The following PYGL variants were observed in gnomAD, a reference collection of about 807,000 sequenced individuals.
PYGL encodes glycogen phosphorylase L, also known as glycogen phosphorylase, liver form.
In PYGL, 90 loss-of-function variants were observed where a neutral mutation model predicts 100.1. The ratio of observed to expected loss-of-function variants is 0.90; its 90% CI spans 0.76 to 1.07. The LOEUF (loss-of-function observed/expected upper bound fraction) is 1.07. Ranked by LOEUF, PYGL falls within the 50% of genes least tolerant of loss-of-function variation. The pLI, the probability that PYGL is intolerant of heterozygous loss-of-function variation, is 0.00. For synonymous variants in PYGL, 373 were observed against 393.0 expected (o/e 0.95, Z 0.60); for missense variants, 1,016 against 1,057.6 (o/e 0.96, Z 0.55).
chr14:50,931,842 C>T, intron 3 of PYGL, 66 bp from the exon 4 acceptor site: 1 of 1,309,074 alleles, frequency 7.6e-7, no homozygotes, highest in Non-Finnish European at 1.1e-6. Context: ...CCAGTCTTTC[C>T]CTAAAACACA....
At chr14:50,916,859 C>T in intron 8 of PYGL, 103 bp downstream of exon 8, 1 of 1,553,580 alleles carries the variant, frequency 6.4e-7, no homozygotes, top group Non-Finnish European at 8.9e-7. Flanking sequence ...GCACACTATT[C>T]CTGCTCAACG....
At position 50,914,809 on chromosome 14, in the gene PYGL, C is replaced by T; in HGVS notation, c.1410G>A (p.Lys470=). ...TGTCAGGTTCTAGCTCACTGAAGTCCTTGAATCTGGAGATGGAGGAGACAC... is the reference window on the plus strand; with the variant it reads ...TGTCAGGTTCTAGCTCACTGAAGTCTTTGAATCTGGAGATGGAGGAGACAC... ...HSDIVKTKVF[K]DFSELEPDKF... is the part of the protein sequence containing the mutation. Residue 470 remains lysine (K), a synonymous_variant, in exon 12 of 20, where the codon AAG becomes AAA. Coordinates refer to ENST00000216392, the MANE Select transcript of PYGL (RefSeq NM_002863.5). 1 of 1,611,962 alleles carries T rather than the reference C, an allele frequency of 6.2e-7. No individual in the cohort carries two copies. The highest frequency in any genetic ancestry group is 1.1e-5 in the South Asian group (1 of 91,028).
chr14:50,915,287 C>A, intron 11 of PYGL, 49 bp downstream of exon 11: 2 of 1,596,922 alleles, frequency 1.3e-6, no homozygotes, highest in Non-Finnish European at 1.7e-6. Flanking sequence ...TAGCATCATT[C>A]CATTAATGGA....
At chr14:50,933,911 T>C (rs2050627886) in intron 3 of PYGL, among the ~76,000 whole-genome samples, 2 of 152,236 alleles carry the variant, frequency 1.3e-5, no homozygotes, top group African/African-American at 2.4e-5. Flanking sequence ...ATGGCTTTAA[T>C]GCAATTTGAT....
chr14:50,915,874 A>G lies in PYGL; in HGVS notation c.1190T>C (p.Leu397Pro). 1 of 1,614,224 alleles carries G rather than the reference A, an allele frequency of 6.2e-7. No individual in the cohort carries two copies. Among genetic ancestry groups the G allele is most frequent in the South Asian group, 1.1e-5 (1 of 91,088 alleles). ...RWPVDLVEKLLPRHLEIIYEI... is the reference protein window; with the variant it reads ...RWPVDLVEKLPPRHLEIIYEI... ...ATAAATGATTTCCAAATGTCGAGGG[A>G]GCAGCTTCTCCACCAGGTCCACGGG... is the stretch of plus-strand genomic sequence containing the variant. Residue 397 changes from leucine to proline, a missense_variant, in exon 10 of 20, where the codon CTC (leucine) becomes CCC (proline). Physicochemically the swap from Leu to Pro is moderately conservative, Grantham distance 98. Coordinates refer to ENST00000216392, the MANE Select transcript of PYGL (RefSeq NM_002863.5).
chr14:50,908,990 G>A (rs199963060), intron 17 of PYGL, 35 bp from the exon 18 acceptor site: 2 of 1,584,354 alleles, frequency 1.3e-6, no homozygotes, highest in Non-Finnish European at 8.7e-7. Context: ...ATAAAAAAAG[G>A]CTCTGTTATT....
intron 18 of PYGL, 71 bp from the exon 19 acceptor site, chr14:50,908,408 A>AT: frequency 7.5e-7 from 1 of 1,328,526 alleles, no homozygotes; most frequent in East Asian, 2.3e-5. Context: ...CTAAAATTCC[A>AT]TGTAAAATCA....
rs562250944 is a variant in PYGL at position 50,912,156 on chromosome 14, G to A, written c.1768C>T (p.Arg590Cys). The A allele has an allele frequency of 2.7e-5, 43 of 1,614,186 alleles. No individual in the cohort carries two copies. The highest frequency in any genetic ancestry group is 2.0e-4 in the South Asian group (18 of 91,084). ...NCLHVITMYN[R>C]IKKDPKKLFV... is the part of the protein sequence containing the mutation. ...CTTGTTGGCTACAGGGCTGACTCAC[G>A]GTTGTACATCGTGATCACATGCAGA... is the stretch of plus-strand genomic sequence containing the variant. The change falls in exon 14 of 20, where the codon CGC becomes TGC. Residue 590 changes from arginine to cysteine, a missense_variant and splice_region_variant. Arg to Cys is a radical substitution (Grantham distance 180). Coordinates refer to ENST00000216392, the MANE Select transcript of PYGL (RefSeq NM_002863.5).
intron 5 of PYGL, chr14:50,923,265 T>C (rs2050517387): frequency 6.6e-6 from 1 of 152,230 alleles, no homozygotes; most frequent in Non-Finnish European, 1.5e-5. Context: ...TTGTGTAAAC[T>C]GCAAACTTTT....
Position 50,908,909 on chromosome 14 carries a change from C to T in PYGL, c.2224G>A (p.Val742Ile). The T allele has an allele frequency of 6.3e-7, 1 of 1,599,862 alleles. No individual in the cohort carries two copies. Among genetic ancestry groups the T allele is most frequent in the South Asian group, 1.1e-5 (1 of 90,790 alleles). ...AAGCCATTGTCAATTTGATCAATGA[C>T]CAGCTTCAGCTCTGGAAGTGCCTCA... is the stretch of plus-strand genomic sequence containing the variant. Reference protein sequence around the residue: ...YYEALPELKLVIDQIDNGFFS... With the variant: ...YYEALPELKLIIDQIDNGFFS... The change falls in exon 18 of 20, where the codon GTC becomes ATC. Residue 742 changes from valine to isoleucine, a missense_variant. Transcript: ENST00000216392.
intron 12 of PYGL, among the ~76,000 whole-genome samples, chr14:50,914,305 T>C (rs2142794706): frequency 6.6e-6 from 1 of 152,286 alleles, no homozygotes; most frequent in East Asian, 1.9e-4. Flanking sequence ...AAGATCAGCC[T>C]GGCCAACATG....
intron 17 of PYGL, 122 bp from the exon 18 acceptor site, chr14:50,909,077 A>G (rs2050364137): frequency 8.8e-7 from 1 of 1,130,276 alleles, no homozygotes; most frequent in South Asian, 1.4e-5. Flanking sequence ...GCATTCAAAG[A>G]CTTCATTATA....
intron 19 of PYGL, among the ~76,000 whole-genome samples, chr14:50,907,241 T>C (rs1352352226): frequency 3.9e-5 from 6 of 152,186 alleles, no homozygotes; most frequent in African/African-American, 1.2e-4. Context: ...TCTTCTTTCT[T>C]TTTTTAAAAA....
intron 4 of PYGL, among the ~76,000 whole-genome samples, chr14:50,926,030 A>G (rs1242274282): frequency 1.3e-5 from 2 of 152,246 alleles, no homozygotes; most frequent in Non-Finnish European, 1.5e-5. Context: ...AAGGCAATGC[A>G]AAGTCAATAA....
intron 5 of PYGL, among the ~76,000 whole-genome samples, chr14:50,922,420 T>C (rs888011225): frequency 6.6e-6 from 1 of 152,164 alleles, no homozygotes; most frequent in Non-Finnish European, 1.5e-5. Context: ...ATATCTTTCA[T>C]TAAGAGATAA....
intron 19 of PYGL, chr14:50,908,056 G>T: frequency 4.9e-6 from 2 of 410,716 alleles, no homozygotes; most frequent in Non-Finnish European, 4.3e-6. Context: ...AACTCCTGCT[G>T]AAATGTCAAA....
At chr14:50,926,765 T>C (rs998761996) in intron 4 of PYGL, among the ~76,000 whole-genome samples, 5 of 145,032 alleles carry the variant, frequency 3.4e-5, no homozygotes, top group Admixed American at 2.1e-4. Context: ...AAAAAGTCCA[T>C]TAACTTGGGT....
In PYGL at chr14:50,920,976, T is replaced by C; in HGVS notation, c.752A>G (p.Asn251Ser). The C allele has an allele frequency of 4.3e-6, 7 of 1,613,942 alleles. No homozygotes were observed. Among genetic ancestry groups the C allele is most frequent in the Non-Finnish European group, 5.9e-6 (7 of 1,179,824 alleles). ...TMRLWSARAPNDFNLRDFNVG... is the reference protein window; with the variant it reads ...TMRLWSARAPSDFNLRDFNVG... The stretch of plus-strand genomic sequence containing the variant: ...CTCACAGTCTCTGAGGTTAAAGTCA[T>C]TTGGTGCCCGAGCAGACCAGAGGCG... The change falls in exon 6 of 20, where the codon AAT (asparagine) becomes AGT (serine). Residue 251 changes from asparagine to serine, a missense_variant. Transcript: ENST00000216392.
intron 10 of PYGL, 73 bp downstream of exon 10, chr14:50,915,752 G>A: frequency 6.4e-7 from 1 of 1,552,186 alleles, no homozygotes; most frequent in Non-Finnish European, 8.8e-7. Context: ...TGGTAAGAGG[G>A]AACACTGTAG....
Sources: gnomAD v4.1 joint callset for allele counts (sites outside exome capture counted in the v4.1 genomes callset) on GRCh38, gnomAD v4.1.1 for gene constraint, MANE v1.5 for transcripts, NCBI Gene and HGNC (gene_info 2026-07-23, HGNC 2026-07-21) for gene names.